The following EIF4ENIF1 variants were observed in gnomAD, a reference collection of about 807,000 sequenced individuals.
EIF4ENIF1 encodes eukaryotic translation initiation factor 4E nuclear import factor 1, also known as eukaryotic translation initiation factor 4E transporter.
EIF4ENIF1 carries 23 observed loss-of-function variants against 110.5 expected under a neutral mutation model. That is an observed-to-expected ratio of 0.21 (90% CI 0.15 to 0.29). The LOEUF is 0.29. Among genes scored for constraint, EIF4ENIF1 ranks in the 10% least tolerant of loss-of-function variants. The pLI is 1.00. For missense variants in EIF4ENIF1, 1,031 were observed against 1,221.1 expected, an observed-to-expected ratio of 0.84 and a Z score of 2.32; for synonymous variants, 440 against 437.0, an observed-to-expected ratio of 1.01 and a Z score of -0.09.
In EIF4ENIF1 at chr22:31,449,138, G is replaced by A. The variant is rs530446120; in HGVS notation, c.1768+210C>T. On this transcript the variant is annotated intron_variant, in intron 12 of 18. Coordinates refer to ENST00000330125, the MANE Select transcript of EIF4ENIF1 (RefSeq NM_019843.4). The stretch of plus-strand genomic sequence containing the variant: ...CGATTCTCCTGTCTCAGCCTCCTGC[G>A]TAGCTGGGATTACAGGCATGCACCA... 3.9e-5 allele frequency among the ~76,000 whole-genome samples: 6 copies of A among 152,208 alleles called. No homozygotes were observed. The South Asian group carries it at 1.0e-3, about 26-fold the overall frequency.
intron 14 of EIF4ENIF1, 102 bp from the exon 15 acceptor site, chr22:31,444,792 T>A: frequency 9.3e-7 from 1 of 1,078,858 alleles, no homozygotes; most frequent in Non-Finnish European, 1.4e-6. Flanking sequence ...AACATCCCCT[T>A]TCCCTTATCC....
At chr22:31,472,287 T>A (rs1014724788) in intron 2 of EIF4ENIF1, among the ~76,000 whole-genome samples, 12 of 151,676 alleles carry the variant, frequency 7.9e-5, no homozygotes, top group African/African-American at 2.9e-4. Context: ...TTTTTTTTTT[T>A]ACATGGAATC....
At position 31,485,304 on chromosome 22, in the gene EIF4ENIF1, G is replaced by A. The variant is rs2051977388; in HGVS notation, c.96+3319C>T. Among the ~76,000 whole-genome samples the A allele has an allele frequency of 2.0e-5, 3 of 152,170 alleles. 1 individual carries two copies. The highest frequency in any genetic ancestry group is 2.0e-4 in the Admixed American group (3 of 15,268). Reference sequence around the variant, plus strand: ...TTATCTACGTATGACAGAATTCTGAGGCTGGACTGTCAAAAATGGACAATA... The same window carrying A: ...TTATCTACGTATGACAGAATTCTGAAGCTGGACTGTCAAAAATGGACAATA... On this transcript the variant is annotated intron_variant, in intron 2 of 18. Transcript: ENST00000330125.
intron 10 of EIF4ENIF1, among the ~76,000 whole-genome samples, chr22:31,452,853 C>T (rs2050715542): frequency 6.6e-6 from 1 of 152,176 alleles, no homozygotes. Context: ...ATCTGAGGTG[C>T]CTCCTTTCAA....
chr22:31,492,066 A>G (rs960567996), upstream of EIF4ENIF1, among the ~76,000 whole-genome samples: 1 of 152,198 alleles, frequency 6.6e-6, no homozygotes, highest in African/African-American at 2.4e-5. Flanking sequence ...CTGGTGGTTG[A>G]TGGTGGCTGT....
intron 4 of EIF4ENIF1, 125 bp downstream of exon 4, chr22:31,468,050 A>T: frequency 7.2e-7 from 1 of 1,391,194 alleles, no homozygotes; most frequent in Middle Eastern, 2.1e-4. Flanking sequence ...CCAACCGATA[A>T]ATCAGTTTCC....
At chr22:31,492,105 T>C (rs2052291739), upstream of EIF4ENIF1, among the ~76,000 whole-genome samples, 1 of 152,246 alleles carries the variant, frequency 6.6e-6, no homozygotes. Context: ...ATTAGAGCTG[T>C]CCCTGGAACA....
Position 31,446,964 on chromosome 22 carries a change from G to C in EIF4ENIF1, c.1988+462C>G, listed in dbSNP as rs929058565. The C allele has an allele frequency of 6.4e-6, 3 of 468,018 alleles. No individual in the cohort carries two copies. In the Admixed American group the frequency reaches 7.3e-5, roughly 11 times the overall value. 29.0% of individuals were successfully genotyped at this position (468,018 alleles called of 1,614,324 possible). On this transcript the variant is annotated intron_variant, in intron 14 of 18. Transcript: ENST00000330125. The stretch of plus-strand genomic sequence containing the variant: ...TGTCAGCTCTGGCCAAAAAACTGCT[G>C]ATGTAGCAAACCTGCATCAAGGGAG...
At chr22:31,490,088 C>A (rs1162272058), upstream of EIF4ENIF1, among the ~76,000 whole-genome samples, 2 of 152,146 alleles carry the variant, frequency 1.3e-5, no homozygotes, top group African/African-American at 4.8e-5. Flanking sequence ...CGCTCCCGTG[C>A]GCGCAGGCGG....
intron 10 of EIF4ENIF1, 42 bp from the exon 11 acceptor site, chr22:31,450,402 CACTTA>C (rs752792720): frequency 1.2e-5 from 18 of 1,515,516 alleles, no homozygotes; most frequent in Non-Finnish European, 1.6e-5. Context: ...TTTCTTAACT[CACTTA>C]ACTTACAGAT....
intron 5 of EIF4ENIF1, 62 bp from the exon 6 acceptor site, chr22:31,463,195 A>G (rs55971533): frequency 0.038 from 57,385 of 1,516,560 alleles, 1,305 homozygotes; most frequent in Non-Finnish European, 0.044. Context: ...ACTTCAGTCA[A>G]GGTCTTCGTT....
chr22:31,472,575 GT>G (rs953525067), intron 2 of EIF4ENIF1, among the ~76,000 whole-genome samples: 33 of 151,924 alleles, frequency 2.2e-4, no homozygotes, highest in African/African-American at 6.8e-4. Context: ...GGGGGCGATA[GT>G]TTTTTTTAAA....
intron 9 of EIF4ENIF1, 64 bp from the exon 10 acceptor site, chr22:31,454,440 G>A: frequency 7.3e-7 from 1 of 1,368,482 alleles, no homozygotes. Context: ...ATTCTCTTTG[G>A]CTAGTATGAC....
chr22:31,454,439 G>T lies in EIF4ENIF1; in HGVS notation c.1280-63C>A, dbSNP rs1016504252. On this transcript the variant is annotated intron_variant, in intron 9 of 18. Coordinates refer to ENST00000330125, the MANE Select transcript of EIF4ENIF1 (RefSeq NM_019843.4). The stretch of plus-strand genomic sequence containing the variant: ...GAGATATCTGGTAGGAATTCTCTTT[G>T]GCTAGTATGACAGATAAGATGAAAA... The T allele has an allele frequency of 3.7e-5, 51 of 1,381,798 alleles. No individual in the cohort carries two copies. The South Asian group carries it at 5.5e-4, about 15-fold the overall frequency. 85.6% of individuals were successfully genotyped at this position (1,381,798 alleles called of 1,614,324 possible). A position where few individuals can be genotyped will look rare whatever the true frequency, so the allele number is the denominator to read the frequency against.
At chr22:31,447,637 C>T (rs552023804) in intron 13 of EIF4ENIF1, 72 bp from the exon 14 acceptor site, 8 of 1,496,736 alleles carry the variant, frequency 5.3e-6, no homozygotes, top group East Asian at 2.4e-5. Context: ...TTTCTCTTCA[C>T]TCTTAGAAAG....
chr22:31,486,938 C>T (rs994371473), intron 2 of EIF4ENIF1, among the ~76,000 whole-genome samples: 1 of 125,826 alleles, frequency 7.9e-6, no homozygotes, highest in Admixed American at 7.8e-5. Flanking sequence ...AAAAAAAAAT[C>T]AGCTGGGCAT....
At chr22:31,454,049 TACTC>T (rs924026394) in intron 10 of EIF4ENIF1, 91 bp downstream of exon 10, 2 of 1,138,108 alleles carry the variant, frequency 1.8e-6, no homozygotes, top group Admixed American at 2.4e-5. Context: ...ATTTCCAACT[TACTC>T]AGAATACCTT....
intron 4 of EIF4ENIF1, among the ~76,000 whole-genome samples, chr22:31,464,718 AT>A (rs1278850083): frequency 4.6e-5 from 5 of 108,832 alleles, no homozygotes; most frequent in African/African-American, 1.4e-4. Context: ...ATATATATAT[AT>A]ATATATAAAC....
At position 31,444,707 on chromosome 22, in the gene EIF4ENIF1, T is replaced by C; in HGVS notation, c.1989-17A>G. 6.2e-7 allele frequency: 1 copy of C among 1,612,998 alleles called. No individual in the cohort carries two copies. The highest frequency in any genetic ancestry group is 8.5e-7 in the Non-Finnish European group (1 of 1,179,026). On this transcript the variant is annotated splice_polypyrimidine_tract_variant and intron_variant, in intron 14 of 18. Transcript: ENST00000330125. ...CGCTGTTGCCTGTGAACAAACCAAT[T>C]ATCAGCATGAACCCCAATCTGCTTA...
Sources: gnomAD v4.1 joint callset for allele counts (sites outside exome capture counted in the v4.1 genomes callset) on GRCh38, gnomAD v4.1.1 for gene constraint, MANE v1.5 for transcripts, NCBI Gene and HGNC (gene_info 2026-07-23, HGNC 2026-07-21) for gene names.